The following KDM5A variants were observed in gnomAD, a reference collection of about 807,000 sequenced individuals.
KDM5A encodes lysine demethylase 5A.
In KDM5A, 42 loss-of-function variants were observed where a neutral mutation model predicts 193.5. That is an observed-to-expected ratio of 0.22 (90% confidence interval 0.17 to 0.28). KDM5A has a LOEUF of 0.28. Among genes scored for constraint, KDM5A ranks in the 10% least tolerant of loss-of-function variants. The pLI, the probability that KDM5A is intolerant of heterozygous loss-of-function variation, is 1.00. For missense variants in KDM5A, 1,692 were observed against 2,055.1 expected, an observed-to-expected ratio of 0.82 and a Z score of 3.42; for synonymous variants, 796 against 718.1, an observed-to-expected ratio of 1.11 and a Z score of -1.73.
chr12:363,172 T>C (rs368630235), intron 4 of KDM5A, 75 bp from the exon 5 acceptor site: 466 of 1,555,064 alleles, frequency 3.0e-4, no homozygotes, highest in Non-Finnish European at 4.0e-4. Context: ...GTAAAAGTAA[T>C]AAATTGCCAA....
chr12:372,349 CTGTTTGAAGCAAT>C, intron 3 of KDM5A, among the ~76,000 whole-genome samples: 1 of 152,246 alleles, frequency 6.6e-6, no homozygotes, highest in South Asian at 2.1e-4. Flanking sequence ...GTATTTTATT[CTGTTTGAAGCAAT>C]TGTGAATGGG....
At chr12:351,234 G>GA (rs1320823604) in intron 9 of KDM5A, among the ~76,000 whole-genome samples, 14 of 152,072 alleles carry the variant, frequency 9.2e-5, no homozygotes, top group Middle Eastern at 6.8e-3. Flanking sequence ...GACAGGCCCC[G>GA]GTGTGTGATG....
intron 19 of KDM5A, among the ~76,000 whole-genome samples, chr12:317,463 A>C (rs573078372): frequency 2.0e-5 from 3 of 152,306 alleles, no homozygotes; most frequent in African/African-American, 7.2e-5. Flanking sequence ...AATGAGCTTT[A>C]TACTTCTTAC....
chr12:387,928 A>G (rs1237060863), intron 1 of KDM5A, among the ~76,000 whole-genome samples: 1 of 152,200 alleles, frequency 6.6e-6, no homozygotes, highest in Non-Finnish European at 1.5e-5. Flanking sequence ...TACTAATACT[A>G]GACAAAACAT....
Position 285,156 on chromosome 12 carries a change from A to C in KDM5A, c.*300T>G. On this transcript the variant is annotated 3_prime_UTR_variant, in exon 28 of 28. Transcript: ENST00000399788. Reference sequence around the variant, plus strand: ...GCCCTGTTAGCACACCAATGTATTAATACTAACCAGCCACCCTAGAGCTCA... The same window carrying C: ...GCCCTGTTAGCACACCAATGTATTACTACTAACCAGCCACCCTAGAGCTCA... The C allele has an allele frequency of 2.1e-6, 1 of 482,590 alleles. No individual in the cohort carries two copies. Among genetic ancestry groups the C allele is most frequent in the Non-Finnish European group, 3.8e-6 (1 of 263,922 alleles). The allele number at this position is 482,590 out of a possible 1,614,324, so 29.9% of individuals were successfully genotyped here. A position where few individuals can be genotyped will look rare whatever the true frequency, so the allele number is the denominator to read the frequency against.
intron 26 of KDM5A, among the ~76,000 whole-genome samples, chr12:293,787 AAG>A (rs1491278692): frequency 1.8e-5 from 2 of 108,704 alleles, no homozygotes; most frequent in Admixed American, 9.2e-5. Context: ...TCAAAAAAAA[AAG>A]GGGGGGGGGG....
intron 13 of KDM5A, among the ~76,000 whole-genome samples, chr12:330,085 G>GTGTGTGTGTGTGTGTGTA (rs377271333): frequency 5.2e-4 from 73 of 139,368 alleles, no homozygotes; most frequent in East Asian, 3.5e-3. Flanking sequence ...GTGTGTGTGT[G>GTGTGTGTGTGTGTGTGTA]TATATATATA....
At chr12:382,664 C>T (rs1019843057) in intron 3 of KDM5A, among the ~76,000 whole-genome samples, 5 of 152,106 alleles carry the variant, frequency 3.3e-5, no homozygotes, top group Non-Finnish European at 4.4e-5. Flanking sequence ...CGGTGGCTCA[C>T]GCCTGTAATC....
rs767028404 is a variant in KDM5A at position 389,154 on chromosome 12, C to G, written c.-63G>C. On this transcript the variant is annotated 5_prime_UTR_variant, in exon 1 of 28. Transcript: ENST00000399788. The stretch of plus-strand genomic sequence containing the variant: ...ACCGGTGGAGAAAAGCTGGCTGAAG[C>G]CCACTAAGCCCGTTCAAGTCCCCTG... 6.7e-7 allele frequency: 1 copy of G among 1,485,534 alleles called. No homozygotes were observed. The highest frequency in any genetic ancestry group is 2.3e-5 in the East Asian group (1 of 44,290). The allele number at this position is 1,485,534 out of a possible 1,614,324, so 92.0% of individuals were successfully genotyped here. A position where few individuals can be genotyped will look rare whatever the true frequency, so the allele number is the denominator to read the frequency against.
At chr12:375,277 ACT>A (rs1297171317) in intron 3 of KDM5A, among the ~76,000 whole-genome samples, 4 of 151,202 alleles carry the variant, frequency 2.6e-5, no homozygotes, top group African/African-American at 7.3e-5. Flanking sequence ...GTTTCTTTTT[ACT>A]CTTTTTTCTC....
At chr12:377,432 C>A (rs1944520826) in intron 3 of KDM5A, among the ~76,000 whole-genome samples, 1 of 151,870 alleles carries the variant, frequency 6.6e-6, no homozygotes, top group African/African-American at 2.4e-5. Flanking sequence ...CATACCAATG[C>A]ATATCACCGT....
At chr12:329,668 T>C (rs1325364702) in intron 13 of KDM5A, among the ~76,000 whole-genome samples, 1 of 152,126 alleles carries the variant, frequency 6.6e-6, no homozygotes, top group African/African-American at 2.4e-5. Flanking sequence ...TAAAATTATA[T>C]ACTTTATTTC....
At chr12:295,447 G>A (rs1943358362) in intron 26 of KDM5A, 126 bp downstream of exon 26, 2 of 892,578 alleles carry the variant, frequency 2.2e-6, no homozygotes, top group Admixed American at 1.7e-5. Flanking sequence ...TTCTTTGGCT[G>A]AAGTGGGAAA....
At position 380,899 on chromosome 12, in the gene KDM5A, G is replaced by C. The variant is rs550634900; in HGVS notation, c.366+3132C>G. ...CAACCTCTGCCTCCCGGTTTCAAGT[G>C]ATTTCCTACCTCAGCCTCCTGAGCA... On this transcript the variant is annotated intron_variant, in intron 3 of 27. Coordinates refer to ENST00000399788, the MANE Select transcript of KDM5A (RefSeq NM_001042603.3). Among the ~76,000 whole-genome samples, 7 of 152,018 alleles carry C rather than the reference G, an allele frequency of 4.6e-5. No homozygotes were observed. In the East Asian group the frequency reaches 1.4e-3, roughly 30 times the overall value.
intron 4 of KDM5A, among the ~76,000 whole-genome samples, chr12:365,366 C>T (rs1359913287): frequency 6.6e-6 from 1 of 152,180 alleles, no homozygotes; most frequent in East Asian, 1.9e-4. Flanking sequence ...CATGGCTGAA[C>T]TCTGAAAACA....
chr12:301,512 G>A (rs1943440753), intron 24 of KDM5A, among the ~76,000 whole-genome samples: 1 of 152,078 alleles, frequency 6.6e-6, no homozygotes, highest in Non-Finnish European at 1.5e-5. Flanking sequence ...CAATAAACTA[G>A]GTATTGATGG....
intron 26 of KDM5A, among the ~76,000 whole-genome samples, 174 bp downstream of exon 26, chr12:295,391 GAGGGAGGC>G (rs1025909199): frequency 4.6e-5 from 7 of 151,728 alleles, no homozygotes; most frequent in African/African-American, 1.7e-4. Context: ...AGGAAGGAGG[GAGGGAGGC>G]AGGGAGGCAG....
intron 5 of KDM5A, among the ~76,000 whole-genome samples, chr12:357,150 G>A (rs1157131400): frequency 1.3e-5 from 2 of 152,050 alleles, no homozygotes; most frequent in Admixed American, 6.6e-5. Context: ...GCATGGTGGT[G>A]TGCATCTGTA....
At position 356,539 on chromosome 12, in the gene KDM5A, T is replaced by TA. The variant is rs1263412935; in HGVS notation, c.673-3dup. On this transcript the variant is annotated splice_polypyrimidine_tract_variant and splice_region_variant and intron_variant, in intron 5 of 27. Transcript: ENST00000399788. ...TCTACTCACATCTCCAGATTCTGAC[T>TA]AAAAAATAAGCAAAATTCACATTAG... 7 of 1,592,860 alleles carry TA rather than the reference T, an allele frequency of 4.4e-6. No homozygotes were observed. Among genetic ancestry groups the TA allele is most frequent in the Non-Finnish European group, 4.3e-6 (5 of 1,160,730 alleles).
Sources: allele counts gnomAD v4.1 joint callset (sites outside exome capture counted in the v4.1 genomes callset), GRCh38; gene constraint gnomAD v4.1.1; transcripts MANE v1.5; gene names NCBI Gene and HGNC (gene_info 2026-07-23, HGNC 2026-07-21).